Variants in MITF observed in about 807,000 individuals in gnomAD.
The protein encoded by MITF is melanocyte inducing transcription factor.
Under a neutral mutation model 60.5 loss-of-function variants are expected in MITF, and 17 were observed. The ratio of observed to expected loss-of-function variants is 0.28; its 90% CI spans 0.19 to 0.42. The LOEUF is 0.42. Among genes scored for constraint, MITF ranks in the 10% least tolerant of loss-of-function variants. MITF has a pLI of 1.00. For missense variants in MITF, 622 were observed against 683.5 expected (o/e 0.91, Z 1.00); for synonymous variants, 260 against 248.5 (o/e 1.05, Z -0.43).
chr3:69,834,010 T>C (rs977447185), intron 1 of MITF, among the ~76,000 whole-genome samples: 15 of 152,226 alleles, frequency 9.9e-5, no homozygotes, highest in Non-Finnish European at 1.8e-4. Context: ...AATATTACCT[T>C]CATTTTACTA....
chr3:69,836,036 A>G (rs923611832), intron 1 of MITF, among the ~76,000 whole-genome samples: 1 of 152,116 alleles, frequency 6.6e-6, no homozygotes, highest in Admixed American at 6.5e-5. Flanking sequence ...GATAGGAATT[A>G]TAATAAAGCT....
At chr3:69,799,342 T>C (rs1351622818) in intron 1 of MITF, among the ~76,000 whole-genome samples, 2 of 152,094 alleles carry the variant, frequency 1.3e-5, no homozygotes, top group Admixed American at 6.5e-5. Flanking sequence ...CAGGAAATAG[T>C]TGTGGAGTGT....
At chr3:69,874,531 GAT>G (rs1195559640) in intron 1 of MITF, among the ~76,000 whole-genome samples, 1 of 152,244 alleles carries the variant, frequency 6.6e-6, no homozygotes, top group Non-Finnish European at 1.5e-5. Context: ...CTGAGAGGCA[GAT>G]GTATTGCGAA....
chr3:69,798,223 T>C (rs1252490595), intron 1 of MITF, among the ~76,000 whole-genome samples: 1 of 152,226 alleles, frequency 6.6e-6, no homozygotes, highest in Non-Finnish European at 1.5e-5. Context: ...CCTGGCTCTA[T>C]AGTAGCTGAT....
chr3:69,796,767 A>C (rs1337913820), intron 1 of MITF, among the ~76,000 whole-genome samples: 1 of 150,378 alleles, frequency 6.6e-6, no homozygotes, highest in Admixed American at 6.6e-5. Flanking sequence ...CGGCCTCCCA[A>C]AGTGCAAACA....
intron 1 of MITF, among the ~76,000 whole-genome samples, chr3:69,770,667 G>A (rs779916418): frequency 5.6e-4 from 86 of 152,298 alleles, no homozygotes; most frequent in Non-Finnish European, 1.0e-3. Flanking sequence ...AGTGTTTTGA[G>A]TTCCTGCTCT....
At chr3:69,811,899 G>A (rs887125882) in intron 1 of MITF, among the ~76,000 whole-genome samples, 19 of 152,296 alleles carry the variant, frequency 1.2e-4, no homozygotes, top group Middle Eastern at 3.4e-3. Flanking sequence ...ACAGAGAGAC[G>A]GACAGGAGAG....
intron 2 of MITF, among the ~76,000 whole-genome samples, chr3:69,891,888 A>C (rs1206431749): frequency 6.6e-6 from 1 of 152,204 alleles, no homozygotes; most frequent in Non-Finnish European, 1.5e-5. Flanking sequence ...TATTATGTGC[A>C]TATATTTATG....
At chr3:69,925,988 A>T (rs922531717) in intron 2 of MITF, among the ~76,000 whole-genome samples, 3 of 152,118 alleles carry the variant, frequency 2.0e-5, no homozygotes, top group African/African-American at 7.2e-5. Context: ...TTTTCATGCA[A>T]TCAGGGCCTG....
intron 1 of MITF, chr3:69,769,826 G>A (rs1264637357): frequency 6.6e-6 from 1 of 152,194 alleles, no homozygotes; most frequent in Non-Finnish European, 1.5e-5. Context: ...ATTTGGGGCA[G>A]AGTTGCCAGA....
intron 1 of MITF, among the ~76,000 whole-genome samples, chr3:69,776,358 A>G (rs2062472847): frequency 6.6e-6 from 1 of 152,242 alleles, no homozygotes; most frequent in Admixed American, 6.5e-5. Context: ...TACATAGGAT[A>G]ATAGTTAAGG....
At chr3:69,879,079 A>G (rs769841700) in intron 1 of MITF, 55 bp from the exon 2 acceptor site, 1 of 1,492,504 alleles carries the variant, frequency 6.7e-7, no homozygotes, top group South Asian at 1.1e-5. Context: ...CCAAAGTGCA[A>G]ACGAAGGGTC....
At chr3:69,877,440 AGTTT>A (rs1462996714) in intron 1 of MITF, among the ~76,000 whole-genome samples, 1 of 151,372 alleles carries the variant, frequency 6.6e-6, no homozygotes. Context: ...TGTCATAGAC[AGTTT>A]GTTTATTAAA....
chr3:69,924,413 A>G (rs937323711), intron 2 of MITF, among the ~76,000 whole-genome samples: 3 of 152,226 alleles, frequency 2.0e-5, no homozygotes, highest in African/African-American at 7.2e-5. Context: ...TGCTTAGTAA[A>G]CATGCTACCA....
At chr3:69,867,043 TC>T (rs915594809) in intron 1 of MITF, among the ~76,000 whole-genome samples, 2 of 152,160 alleles carry the variant, frequency 1.3e-5, no homozygotes, top group East Asian at 1.9e-4. Context: ...AGAGTATAGT[TC>T]CCCCCACATC....
At chr3:69,891,831 A>G (rs958170269) in intron 2 of MITF, among the ~76,000 whole-genome samples, 1 of 152,202 alleles carries the variant, frequency 6.6e-6, no homozygotes, top group African/African-American at 2.4e-5. Flanking sequence ...TGGAAGATGC[A>G]AAATACCTAA....
At chr3:69,823,561 C>T (rs1293580208) in intron 1 of MITF, among the ~76,000 whole-genome samples, 5 of 152,156 alleles carry the variant, frequency 3.3e-5, no homozygotes, top group Non-Finnish European at 7.3e-5. Context: ...GCCCCACCAC[C>T]GAATATCATC....
intron 1 of MITF, among the ~76,000 whole-genome samples, chr3:69,802,428 A>G (rs1237465051): frequency 6.6e-6 from 1 of 152,192 alleles, no homozygotes; most frequent in Non-Finnish European, 1.5e-5. Flanking sequence ...TTCCTTCATG[A>G]AAATCCAGGG....
chr3:69,834,855 T>C (rs2107115170), intron 1 of MITF, among the ~76,000 whole-genome samples: 1 of 150,756 alleles, frequency 6.6e-6, no homozygotes, highest in Admixed American at 6.6e-5. Context: ...TCTTTTTTTT[T>C]TTTTTTTGAT....
Sources: gnomAD v4.1 joint callset for allele counts (sites outside exome capture counted in the v4.1 genomes callset) on GRCh38, gnomAD v4.1.1 for gene constraint, MANE v1.5 for transcripts, NCBI Gene and HGNC (gene_info 2026-07-23, HGNC 2026-07-21) for gene names.